The following STPG2 variants were observed in gnomAD, a reference collection of about 807,000 sequenced individuals.
STPG2 encodes the protein sperm tail PG-rich repeat containing 2, also known as sperm-tail PG-rich repeat-containing protein 2.
A neutral mutation model predicts 54.2 loss-of-function variants in STPG2; 56 were observed. That is an observed-to-expected ratio of 1.03 (90% confidence interval 0.83 to 1.29). The LOEUF (loss-of-function observed/expected upper bound fraction) is 1.29, where lower values mean the gene tolerates loss of function less well. Ranked by LOEUF, STPG2 falls within the 50% of genes most tolerant of loss-of-function variation. The pLI, the probability that STPG2 is intolerant of heterozygous loss-of-function variation, is 0.00. For missense variants in STPG2, 596 were observed against 544.9 expected (o/e 1.09, Z -0.93); for synonymous variants, 200 against 181.8 (o/e 1.10, Z -0.81).
intron 8 of STPG2, among the ~76,000 whole-genome samples, chr4:97,926,510 T>A (rs1408366977): frequency 1.3e-5 from 2 of 152,160 alleles, no homozygotes; most frequent in Non-Finnish European, 2.9e-5. Flanking sequence ...CCACCTATCC[T>A]GCTGGTCCCA....
intron 9 of STPG2, among the ~76,000 whole-genome samples, chr4:97,804,214 T>C (rs1408227248): frequency 6.6e-6 from 1 of 152,190 alleles, no homozygotes; most frequent in African/African-American, 2.4e-5. Flanking sequence ...TTTTAATAAT[T>C]TTATTAAGTT....
intron 10 of STPG2, among the ~76,000 whole-genome samples, chr4:97,619,694 T>C (rs1018371697): frequency 1.3e-5 from 2 of 152,092 alleles, no homozygotes; most frequent in African/African-American, 4.8e-5. Context: ...TCAGAAGCCG[T>C]CTGTTAGTCA....
intron 7 of STPG2, among the ~76,000 whole-genome samples, chr4:97,970,580 A>G (rs1274949906): frequency 2.6e-5 from 4 of 152,230 alleles, no homozygotes; most frequent in Non-Finnish European, 5.9e-5. Context: ...TATTTAATAA[A>G]TGATGTTGGG....
intron 4 of STPG2, among the ~76,000 whole-genome samples, chr4:97,478,018 G>T (rs1034326101): frequency 6.6e-6 from 1 of 152,106 alleles, no homozygotes; most frequent in South Asian, 2.1e-4. Flanking sequence ...TTAAGCTATC[G>T]CATAAGTAAT....
intron 5 of STPG2, among the ~76,000 whole-genome samples, chr4:98,023,428 G>A (rs1245815057): frequency 6.6e-6 from 1 of 152,202 alleles, no homozygotes; most frequent in Non-Finnish European, 1.5e-5. Context: ...GCCGTGTGAG[G>A]TGTCAATCTG....
intron 7 of STPG2, among the ~76,000 whole-genome samples, chr4:97,956,182 A>G (rs1402208364): frequency 6.6e-6 from 1 of 152,204 alleles, no homozygotes; most frequent in Non-Finnish European, 1.5e-5. Context: ...AAATGTTCTG[A>G]GTCAGTCTTA....
Position 97,981,142 on chromosome 4 carries a change from A to G in STPG2, c.772+17T>C. The G allele has an allele frequency of 6.2e-7, 1 of 1,612,336 alleles. No individual in the cohort carries two copies. Among genetic ancestry groups the G allele is most frequent in the Non-Finnish European group, 8.5e-7 (1 of 1,179,450 alleles). On this transcript the variant is annotated intron_variant, in intron 6 of 10. Coordinates refer to ENST00000295268, the MANE Select transcript of STPG2 (RefSeq NM_174952.3). ...TTATAAAGCCAAAGAGTAGACATAT[A>G]TAGATAAATTGCTAACCTGGCATTT...
At chr4:97,746,795 T>C (rs563304557) in intron 9 of STPG2, among the ~76,000 whole-genome samples, 4 of 151,312 alleles carry the variant, frequency 2.6e-5, no homozygotes, top group Non-Finnish European at 5.9e-5. Flanking sequence ...CTCGAAAGTA[T>C]CCCAGAAATA....
At chr4:97,946,077 A>G (rs1055021467) in intron 7 of STPG2, among the ~76,000 whole-genome samples, 2 of 152,094 alleles carry the variant, frequency 1.3e-5, no homozygotes, top group Non-Finnish European at 2.9e-5. Context: ...AATAATAGAA[A>G]TAAAGGCCAT....
chr4:97,626,869 T>A (rs913532260), intron 10 of STPG2, among the ~76,000 whole-genome samples: 1 of 152,116 alleles, frequency 6.6e-6, no homozygotes, highest in African/African-American at 2.4e-5. Flanking sequence ...AGAAATGCAA[T>A]TGCTTTTTAT....
intron 10 of STPG2, among the ~76,000 whole-genome samples, chr4:97,693,005 T>C (rs1174166492): frequency 6.6e-6 from 1 of 152,060 alleles, no homozygotes; most frequent in Non-Finnish European, 1.5e-5. Flanking sequence ...GCTGAGAGAA[T>C]TTGCCACTAC....
At chr4:97,441,532 T>C (rs1729081249) in intron 4 of STPG2, 1 of 152,032 alleles carries the variant, frequency 6.6e-6, no homozygotes, top group Non-Finnish European at 1.5e-5. Flanking sequence ...CTTTGGACTA[T>C]ATCTGTGGGA....
At chr4:97,746,444 CAAT>C (rs997697845) in intron 9 of STPG2, among the ~76,000 whole-genome samples, 20 of 151,078 alleles carry the variant, frequency 1.3e-4, no homozygotes, top group Non-Finnish European at 3.0e-4. Flanking sequence ...TGAATGTCTC[CAAT>C]AATTTCTCCA....
intron 5 of STPG2, chr4:98,026,234 C>A: frequency 2.9e-6 from 3 of 1,018,258 alleles, no homozygotes; most frequent in Non-Finnish European, 3.1e-6. Flanking sequence ...AGCAAGCCCC[C>A]TCAAGAGCTC....
intron 5 of STPG2, among the ~76,000 whole-genome samples, chr4:98,028,420 A>T (rs951862848): frequency 2.0e-5 from 3 of 152,204 alleles, no homozygotes; most frequent in Non-Finnish European, 4.4e-5. Flanking sequence ...TAGTTTCCAC[A>T]TAATTATGTA....
At chr4:97,619,538 T>TTC (rs1733956029) in intron 10 of STPG2, among the ~76,000 whole-genome samples, 2 of 149,932 alleles carry the variant, frequency 1.3e-5, no homozygotes, top group African/African-American at 5.0e-5. Flanking sequence ...TTTTTTTTTT[T>TTC]CTCACCTCTG....
chr4:97,901,575 T>G (rs913337631), intron 8 of STPG2, among the ~76,000 whole-genome samples: 2 of 151,978 alleles, frequency 1.3e-5, no homozygotes, highest in Non-Finnish European at 2.9e-5. Context: ...ACCATCTTAT[T>G]TCTTATAGTA....
chr4:97,487,216 C>T (rs1278178619), intron 4 of STPG2, among the ~76,000 whole-genome samples: 2 of 150,306 alleles, frequency 1.3e-5, no homozygotes, highest in Non-Finnish European at 3.0e-5. Context: ...AAAACCCAGA[C>T]CAGGAAGACT....
chr4:97,604,324 C>T (rs1172050668), intron 10 of STPG2, among the ~76,000 whole-genome samples: 1 of 151,586 alleles, frequency 6.6e-6, no homozygotes, highest in African/African-American at 2.4e-5. Context: ...TAATAATTGG[C>T]ATTTAAAAAA....
Sources: gnomAD v4.1 joint callset for allele counts (sites outside exome capture counted in the v4.1 genomes callset) on GRCh38, gnomAD v4.1.1 for gene constraint, MANE v1.5 for transcripts, NCBI Gene and HGNC (gene_info 2026-07-23, HGNC 2026-07-21) for gene names.